Variants in ZCWPW2 observed in about 807,000 individuals in gnomAD.
ZCWPW2 encodes zinc finger CW-type PWWP domain protein 2.
In ZCWPW2, 45 loss-of-function variants were observed where a neutral mutation model predicts 46.6. The observed-to-expected ratio is 0.96, with a 90% confidence interval of 0.76 to 1.24. ZCWPW2 has a LOEUF of 1.24. ZCWPW2 is among the 50% of genes most tolerant of loss of function. The pLI, the probability that ZCWPW2 is intolerant of heterozygous loss-of-function variation, is 0.00. For synonymous variants in ZCWPW2, 152 were observed against 137.1 expected (o/e 1.11, Z -0.76); for missense variants, 429 against 403.9 (o/e 1.06, Z -0.53).
At chr3:28,483,630 C>G (rs1020065689) in intron 5 of ZCWPW2, among the ~76,000 whole-genome samples, 1 of 152,122 alleles carries the variant, frequency 6.6e-6, no homozygotes, top group East Asian at 1.9e-4. Context: ...GGAATATCTT[C>G]AAGTTTATTT....
At chr3:28,379,276 A>G (rs1464396391) in intron 1 of ZCWPW2, among the ~76,000 whole-genome samples, 1 of 152,150 alleles carries the variant, frequency 6.6e-6, no homozygotes, top group Admixed American at 6.5e-5. Context: ...CCAGAGGAAA[A>G]TTTATCTTTT....
chr3:28,406,658 A>G (rs1312658945), intron 2 of ZCWPW2, among the ~76,000 whole-genome samples: 2 of 151,854 alleles, frequency 1.3e-5, no homozygotes, highest in Non-Finnish European at 2.9e-5. Context: ...TGCTTCCAGG[A>G]TAATAAGGTC....
chr3:28,425,325 A>G (rs1696962364), intron 3 of ZCWPW2, among the ~76,000 whole-genome samples: 1 of 152,210 alleles, frequency 6.6e-6, no homozygotes, highest in African/African-American at 2.4e-5. Flanking sequence ...AGAAACTCAA[A>G]TATACTTATA....
chr3:28,392,201 A>G (rs1695518133), intron 2 of ZCWPW2, among the ~76,000 whole-genome samples: 1 of 152,228 alleles, frequency 6.6e-6, no homozygotes, highest in South Asian at 2.1e-4. Flanking sequence ...ACTTTAAGTC[A>G]AAAACTGTAA....
At position 28,458,714 on chromosome 3, in the gene ZCWPW2, T is replaced by C. The variant is rs141917372; in HGVS notation, c.493-20100T>C. 1.8e-4 allele frequency among the ~76,000 whole-genome samples: 28 copies of C among 152,322 alleles called. 1 individual carries two copies. The East Asian group carries it at 5.2e-3, about 28-fold the overall frequency. On this transcript the variant is annotated intron_variant, in intron 4 of 9. Transcript: ENST00000383768. ...TCATAATAAGCTATCATTTGTAAAC[T>C]GGAAAGCCGCACAGGCCTTCTTATT...
intron 3 of ZCWPW2, chr3:28,427,885 T>C (rs1014945315): frequency 7.9e-5 from 12 of 152,228 alleles, no homozygotes; most frequent in Non-Finnish European, 1.6e-4. Context: ...AACTATTAAA[T>C]ATAAACCCCT....
intron 3 of ZCWPW2, among the ~76,000 whole-genome samples, chr3:28,430,122 C>T (rs555954625): frequency 1.4e-4 from 21 of 152,248 alleles, no homozygotes; most frequent in Non-Finnish European, 2.1e-4. Flanking sequence ...CAGCTTGCAC[C>T]GTGCAACTGG....
At chr3:28,447,325 T>C (rs1206941143) in intron 4 of ZCWPW2, among the ~76,000 whole-genome samples, 1 of 152,168 alleles carries the variant, frequency 6.6e-6, no homozygotes, top group Non-Finnish European at 1.5e-5. Flanking sequence ...ATAGGATTTA[T>C]CTTGGAATGT....
chr3:28,443,967 C>A (rs974529056), intron 4 of ZCWPW2, among the ~76,000 whole-genome samples: 4 of 152,146 alleles, frequency 2.6e-5, no homozygotes, highest in African/African-American at 9.7e-5. Context: ...TTAGGCACTT[C>A]CAGCTCACTC....
At chr3:28,464,805 TG>T (rs759196710) in intron 4 of ZCWPW2, among the ~76,000 whole-genome samples, 26 of 152,114 alleles carry the variant, frequency 1.7e-4, no homozygotes, top group South Asian at 8.3e-4. Context: ...TTTTTAATAT[TG>T]GGGGGAGTAA....
At chr3:28,461,697 C>T (rs759660738) in intron 4 of ZCWPW2, 1 of 151,712 alleles carries the variant, frequency 6.6e-6, no homozygotes, top group Admixed American at 6.6e-5. Context: ...CTTCTAGGTT[C>T]CAAAGTGAAC....
At chr3:28,419,840 C>T (rs1425279144) in intron 3 of ZCWPW2, among the ~76,000 whole-genome samples, 8 of 98,280 alleles carry the variant, frequency 8.1e-5, no homozygotes, top group Admixed American at 3.4e-4. Flanking sequence ...AACCAAACAC[C>T]GCATGTTCTC....
intron 4 of ZCWPW2, among the ~76,000 whole-genome samples, chr3:28,463,940 G>A (rs944080493): frequency 4.0e-5 from 6 of 151,270 alleles, no homozygotes; most frequent in African/African-American, 1.5e-4. Flanking sequence ...AGAAGGGAAA[G>A]AGAAGTAAAG....
At chr3:28,392,941 A>G (rs1695553361) in intron 2 of ZCWPW2, among the ~76,000 whole-genome samples, 1 of 151,968 alleles carries the variant, frequency 6.6e-6, no homozygotes, top group South Asian at 2.1e-4. Context: ...GGAAATAAAG[A>G]TTAGTGCAGA....
chr3:28,391,353 CCACACACACACACACACACACACATG>C (rs72196809), intron 2 of ZCWPW2, among the ~76,000 whole-genome samples: 15 of 148,742 alleles, frequency 1.0e-4, no homozygotes, highest in East Asian at 8.0e-4. Context: ...CCTCTCCCTG[CCACACACACACACACACACACACATG>C]CACACACACA....
intron 3 of ZCWPW2, among the ~76,000 whole-genome samples, chr3:28,424,783 A>G (rs1172395162): frequency 1.3e-5 from 2 of 152,232 alleles, no homozygotes; most frequent in African/African-American, 2.4e-5. Context: ...TGAAGATCAA[A>G]TGTGATAATG....
chr3:28,392,859 G>A (rs1204367681), intron 2 of ZCWPW2, among the ~76,000 whole-genome samples: 2 of 151,614 alleles, frequency 1.3e-5, no homozygotes, highest in African/African-American at 2.4e-5. Flanking sequence ...GAAGAAAAAT[G>A]AAAGAGTTTA....
At chr3:28,374,949 G>GTC (rs202070081) in intron 1 of ZCWPW2, among the ~76,000 whole-genome samples, 3,935 of 150,326 alleles carry the variant, frequency 0.026, 142 homozygotes, top group African/African-American at 0.085. Flanking sequence ...TTATATTACG[G>GTC]TCTCTCTCTC....
At chr3:28,475,937 T>C (rs541319253) in intron 4 of ZCWPW2, among the ~76,000 whole-genome samples, 8 of 152,302 alleles carry the variant, frequency 5.3e-5, no homozygotes, top group Admixed American at 1.3e-4. Flanking sequence ...ATGCTTGTTA[T>C]ATATTGTCTC....
Sources: allele counts gnomAD v4.1 joint callset (sites outside exome capture counted in the v4.1 genomes callset), GRCh38; gene constraint gnomAD v4.1.1; transcripts MANE v1.5; gene names NCBI Gene and HGNC (gene_info 2026-07-23, HGNC 2026-07-21).